Variants in LRRC69 observed in about 807,000 individuals in gnomAD.
LRRC69 encodes the protein leucine rich repeat containing 69, also known as leucine-rich repeat-containing protein 69.
In LRRC69, 42 loss-of-function variants were observed where a neutral mutation model predicts 37.8. That is an observed-to-expected ratio of 1.11 (90% CI 0.87 to 1.44). LRRC69 has a LOEUF of 1.44. LRRC69 is among the 40% of genes most tolerant of loss of function. The probability of loss-of-function intolerance (pLI) is 0.00; values close to 1 mark genes in which losing one functional copy is unlikely to be tolerated. For missense variants in LRRC69, 357 were observed against 401.9 expected (o/e 0.89, Z 0.96); for synonymous variants, 141 against 143.1 (o/e 0.99, Z 0.11).
At chr8:91,177,800 T>C (rs1226813711) in intron 5 of LRRC69, among the ~76,000 whole-genome samples, 1 of 152,050 alleles carries the variant, frequency 6.6e-6, no homozygotes, top group Non-Finnish European at 1.5e-5. Context: ...CTCAGTCTCT[T>C]TCCAGACCTC....
chr8:91,110,032 C>CTT (rs1347157227), intron 1 of LRRC69, among the ~76,000 whole-genome samples: 1 of 151,974 alleles, frequency 6.6e-6, no homozygotes, highest in East Asian at 1.9e-4. Context: ...GTTGGCCATA[C>CTT]ATATGCTAAT....
At chr8:91,159,561 A>C (rs759926611) in intron 5 of LRRC69, among the ~76,000 whole-genome samples, 1 of 151,286 alleles carries the variant, frequency 6.6e-6, no homozygotes, top group Non-Finnish European at 1.5e-5. Flanking sequence ...CTGAAAGAGC[A>C]AGAGTACACA....
intron 7 of LRRC69, among the ~76,000 whole-genome samples, chr8:91,211,469 C>T (rs981537477): frequency 2.1e-4 from 32 of 150,824 alleles, no homozygotes; most frequent in Non-Finnish European, 4.1e-4. Context: ...TTCCTTGTTT[C>T]CAGAGTTGAA....
intron 1 of LRRC69, among the ~76,000 whole-genome samples, chr8:91,114,899 C>A (rs1198369230): frequency 6.6e-6 from 1 of 151,954 alleles, no homozygotes; most frequent in East Asian, 1.9e-4. Context: ...TTTGCAGCAA[C>A]ATGGATGAGC....
In LRRC69 at chr8:91,158,144, C is replaced by A. The variant is rs764088100; in HGVS notation, c.651+22405C>A. ...ATTACCAGGTGAAACTCTCACTTAC[C>A]TATGGAAAATCCCAGAAAGATCTGG... On this transcript the variant is annotated intron_variant, in intron 5 of 7. Transcript: ENST00000448384. 2.5e-6 allele frequency: 4 copies of A among 1,601,248 alleles called. No homozygotes were observed. The East Asian group carries it at 8.9e-5, about 36-fold the overall frequency.
chr8:91,123,176 C>T (rs1433811829), intron 1 of LRRC69, among the ~76,000 whole-genome samples: 2 of 152,006 alleles, frequency 1.3e-5, no homozygotes, highest in African/African-American at 4.8e-5. Context: ...TGATTTTAGT[C>T]AGTGAGACTG....
intron 7 of LRRC69, chr8:91,206,690 C>A: frequency 7.8e-7 from 1 of 1,289,366 alleles, no homozygotes; most frequent in Non-Finnish European, 1.0e-6. Context: ...GTCTCTCTTT[C>A]AGAAACTACA....
rs991815727 is a variant in LRRC69, at chr8:91,127,164, A to G, written c.383+4A>G. On this transcript the variant is annotated splice_donor_region_variant and intron_variant, in intron 3 of 7. Coordinates refer to ENST00000448384, the Ensembl canonical transcript of LRRC69. ...AGCTTCCTCAAGAAGTCAGCAGGTA[A>G]TTTTGTTTATAGCAAGACTTGGTTA... 6.5e-7 allele frequency: 1 copy of G among 1,547,160 alleles called. No homozygotes were observed.
At chr8:91,218,196 A>G (rs1374980958) in intron 7 of LRRC69, among the ~76,000 whole-genome samples, 1 of 152,154 alleles carries the variant, frequency 6.6e-6, no homozygotes, top group Non-Finnish European at 1.5e-5. Flanking sequence ...CAGTTGTGGA[A>G]ATCTTTTGGA....
intron 5 of LRRC69, among the ~76,000 whole-genome samples, chr8:91,167,569 A>G (rs1055891399): frequency 1.3e-5 from 2 of 151,952 alleles, no homozygotes; most frequent in African/African-American, 4.8e-5. Context: ...AGGAAGTGAG[A>G]TGTGAAACAT....
rs767542381 is a variant in LRRC69 at position 91,157,164 on chromosome 8, T to C, written c.651+21425T>C. The stretch of plus-strand genomic sequence containing the variant: ...CTGTTTCTGTGAAGAGTGTCATTGG[T>C]ATTTTGATAGGGATTGCTTCGAATC... On this transcript the variant is annotated intron_variant, in intron 5 of 7. Coordinates refer to ENST00000448384, the Ensembl canonical transcript of LRRC69. 1.4e-4 allele frequency: 100 copies of C among 734,334 alleles called. 1 individual carries two copies. Among genetic ancestry groups the C allele is most frequent in the Non-Finnish European group, 1.8e-4 (76 of 414,064 alleles). 45.5% of individuals were successfully genotyped at this position (734,334 alleles called of 1,614,324 possible).
intron 5 of LRRC69, among the ~76,000 whole-genome samples, chr8:91,182,813 G>C (rs1809345545): frequency 6.6e-6 from 1 of 152,136 alleles, no homozygotes; most frequent in Non-Finnish European, 1.5e-5. Flanking sequence ...AGCGTGTAGA[G>C]AAACAGTTAT....
rs1813686143 is a variant in LRRC69 at position 91,124,526 on chromosome 8, G to C, written c.217G>C (p.Glu73Gln). ...ACTAAATCTGGGAAACAACCTTTTA[G>C]AAGAAGTTCCGGAAGAGATGAAATA... The change falls in exon 2 of 8, where the codon GAA becomes CAA. Residue 73 changes from glutamate to glutamine, a missense_variant. Physicochemically the swap from Glu to Gln is conservative, Grantham distance 29 (BLOSUM62 2). Transcript: ENST00000448384. 5.2e-6 allele frequency: 8 copies of C among 1,541,686 alleles called. No individual in the cohort carries two copies. The Admixed American group carries it at 8.2e-5, about 16-fold the overall frequency.
intron 1 of LRRC69, among the ~76,000 whole-genome samples, chr8:91,111,449 G>A (rs1056013641): frequency 2.0e-5 from 3 of 151,962 alleles, no homozygotes; most frequent in Admixed American, 2.0e-4. Context: ...CGGGAGAATC[G>A]CTTGAACTCA....
chr8:91,125,081 TTTTC>T (rs1813695024), intron 2 of LRRC69, among the ~76,000 whole-genome samples: 1 of 151,826 alleles, frequency 6.6e-6, no homozygotes, highest in Admixed American at 6.6e-5. Context: ...ATAAGCATTT[TTTTC>T]TTTCTTTTTC....
intron 7 of LRRC69, among the ~76,000 whole-genome samples, chr8:91,203,058 G>A (rs1809737332): frequency 6.6e-6 from 1 of 152,100 alleles, no homozygotes; most frequent in African/African-American, 2.4e-5. Context: ...GGAGAAGTAG[G>A]CTTGTTGGGG....
chr8:91,140,639 ATTTTTTTTTTTTT>A lies in LRRC69; in HGVS notation c.651+4920_651+4932del, dbSNP rs71266165. 8.6e-5 allele frequency among the ~76,000 whole-genome samples: 2 copies of A among 23,250 alleles called. 1 individual carries two copies. Among genetic ancestry groups the A allele is most frequent in the Non-Finnish European group, 1.5e-4 (2 of 13,138 alleles). The allele number at this position is 23,250 out of a possible 152,430, so 15.3% of individuals were successfully genotyped here. A position where few individuals can be genotyped will look rare whatever the true frequency, so the allele number is the denominator to read the frequency against. ...TTAAATGAATATTCTTCAATATGTG[ATTTTTTTTTTTTT>A]TTTTTTTTTTTTTTTTTTTGAGACG... On this transcript the variant is annotated intron_variant, in intron 5 of 7. Transcript: ENST00000448384.
intron 5 of LRRC69, among the ~76,000 whole-genome samples, chr8:91,187,580 C>T (rs1165685688): frequency 1.3e-5 from 2 of 152,212 alleles, no homozygotes; most frequent in African/African-American, 4.8e-5. Context: ...GTTCCCTCAG[C>T]ACTTCTGTAT....
intron 5 of LRRC69, among the ~76,000 whole-genome samples, chr8:91,147,443 T>G (rs865810172): frequency 6.6e-6 from 1 of 151,410 alleles, no homozygotes; most frequent in South Asian, 2.1e-4. Flanking sequence ...ATTCTTTTTT[T>G]CTCTTTGTTT....
Sources: allele counts gnomAD v4.1 joint callset (sites outside exome capture counted in the v4.1 genomes callset), GRCh38; gene constraint gnomAD v4.1.1; transcripts MANE v1.5; gene names NCBI Gene and HGNC (gene_info 2026-07-23, HGNC 2026-07-21).